Variants in LTBR observed in about 807,000 individuals in gnomAD.
LTBR encodes tumor necrosis factor receptor superfamily member 3.
A neutral mutation model predicts 45.4 loss-of-function variants in LTBR; 15 were observed. The observed-to-expected ratio is 0.33, with a 90% CI of 0.22 to 0.51. LTBR has a LOEUF of 0.51. LTBR is among the 20% of genes least tolerant of loss of function. LTBR has a pLI of 0.97. For synonymous variants in LTBR, 228 were observed against 231.0 expected (o/e 0.99, Z 0.12); for missense variants, 450 against 565.5 (o/e 0.80, Z 2.07).
At chr12:6,384,499 G>T in intron 1 of LTBR, 45 bp downstream of exon 1, 2 of 1,591,132 alleles carry the variant, frequency 1.3e-6, no homozygotes, top group Non-Finnish European at 1.7e-6. Flanking sequence ...GGGCAAGAGG[G>T]ATCTGGGCAG....
At position 6,375,545 on chromosome 12, in the gene LTBR, G is replaced by C. The variant is rs1363713421; in HGVS notation, c.-11G>C. ...GCCTGGCTGGGGAGCCCGCCCGCTG[G>C]CCGGCCAGGGATGGAAGCGACAGGA... On this transcript the variant is annotated 5_prime_UTR_variant, in exon 1 of 10. Transcript: ENST00000539925. 4 of 1,534,868 alleles carry C rather than the reference G, an allele frequency of 2.6e-6. No individual in the cohort carries two copies. The African/African-American group carries it at 5.5e-5, about 21-fold the overall frequency.
chr12:6,380,714 A>C (rs369077498), upstream of LTBR, among the ~76,000 whole-genome samples: 83 of 151,830 alleles, frequency 5.5e-4, 1 homozygote, highest in East Asian at 0.015. Flanking sequence ...AAGAAGAAGA[A>C]GAAGAAGAAG....
At chr12:6,385,972 T>C (rs1486702029) in intron 4 of LTBR, 94 bp from the exon 5 acceptor site, 7 of 796,516 alleles carry the variant, frequency 8.8e-6, no homozygotes, top group Non-Finnish European at 1.5e-5. Flanking sequence ...ATGGGGTGGA[T>C]GGGCATCCTG....
At chr12:6,382,532 G>A (rs1948994748), upstream of LTBR, among the ~76,000 whole-genome samples, 1 of 152,210 alleles carries the variant, frequency 6.6e-6, no homozygotes, top group African/African-American at 2.4e-5. Context: ...CAGCGCTAGG[G>A]CCCTGGAAGG....
At chr12:6,384,745 C>T (rs2302255) in intron 2 of LTBR, 61 bp downstream of exon 2, 78,995 of 1,492,122 alleles carry the variant, frequency 0.053, 8,579 homozygotes, top group East Asian at 0.47. Flanking sequence ...GCTCCAGCCC[C>T]CTCGCGGCCT....
chr12:6,377,689 A>G, intron 1 of LTBR: 7 of 1,296,622 alleles, frequency 5.4e-6, no homozygotes, highest in Non-Finnish European at 5.0e-6. Flanking sequence ...CCTCCCTGCA[A>G]TAAGGTGCTC....
chr12:6,379,933 C>CAAAA (rs60566609), upstream of LTBR, among the ~76,000 whole-genome samples: 1 of 115,994 alleles, frequency 8.6e-6, no homozygotes, highest in Non-Finnish European at 1.8e-5. Flanking sequence ...GACTCTGTCT[C>CAAAA]AAAAAAAAAA....
intron 6 of LTBR, chr12:6,387,870 C>A (rs1364884541): frequency 2.2e-6 from 1 of 455,374 alleles, no homozygotes; most frequent in African/African-American, 2.0e-5. Context: ...AGTTCCGAAG[C>A]AAGTTTCCCT....
chr12:6,377,469 G>A (rs72645159), intron 1 of LTBR: 557 of 654,432 alleles, frequency 8.5e-4, no homozygotes, highest in Non-Finnish European at 1.3e-3. Flanking sequence ...GACTCATGGG[G>A]GATCGGGGCT....
upstream of LTBR, among the ~76,000 whole-genome samples, chr12:6,383,879 G>GAACTCCCTCTGCTCTCCCTGC (rs1246046225): frequency 1.3e-5 from 2 of 152,166 alleles, no homozygotes; most frequent in East Asian, 3.9e-4. Flanking sequence ...GCGCTCTCTG[G>GAACTCCCTCTGCTCTCCCTGC]AACTCCCTCT....
At chr12:6,377,271 C>A in intron 1 of LTBR, 1 of 1,550,864 alleles carries the variant, frequency 6.4e-7, no homozygotes, top group Non-Finnish European at 8.7e-7. Context: ...GCTCATGATA[C>A]CTCCCCTTGG....
At chr12:6,384,020 G>A, upstream of LTBR, 1 of 1,165,880 alleles carries the variant, frequency 8.6e-7, no homozygotes, top group Non-Finnish European at 1.1e-6. Flanking sequence ...TTCCGGCCCC[G>A]CGGCCCTCAC....
chr12:6,385,206 G>A (rs771192004), intron 3 of LTBR, 21 bp from the exon 4 acceptor site: 1 of 1,613,928 alleles, frequency 6.2e-7, no homozygotes, highest in Non-Finnish European at 8.5e-7. Flanking sequence ...CCCTCCCTGA[G>A]CCCTCCCGTC....
Position 6,388,936 on chromosome 12 carries a change from C to A in LTBR, c.801+111C>A. 1 of 1,341,168 alleles carries A rather than the reference C, an allele frequency of 7.5e-7. No homozygotes were observed. The highest frequency in any genetic ancestry group is 1.2e-5 in the South Asian group (1 of 81,658). The allele number at this position is 1,341,168 out of a possible 1,614,324, so 83.1% of individuals were successfully genotyped here. A position where few individuals can be genotyped will look rare whatever the true frequency, so the allele number is the denominator to read the frequency against. On this transcript the variant is annotated intron_variant, in intron 8 of 9. Transcript: ENST00000228918. This position sits in a 1 kb window ranked among gnomAD's most constrained non-coding sequence, Gnocchi z 4.3. ...CTGACTCCACACTCATTCATTCATTCAACTGATGATTTACTGAACATGCCA... is the reference window on the plus strand; with the variant it reads ...CTGACTCCACACTCATTCATTCATTAAACTGATGATTTACTGAACATGCCA...
At chr12:6,379,858 G>A (rs544291713), upstream of LTBR, among the ~76,000 whole-genome samples, 26 of 151,248 alleles carry the variant, frequency 1.7e-4, no homozygotes, top group African/African-American at 5.1e-4. Context: ...GCATAAAACC[G>A]GGGAGGTGGA....
chr12:6,390,381 G>T, intron 9 of LTBR, 41 bp downstream of exon 9: 2 of 1,512,548 alleles, frequency 1.3e-6, no homozygotes, highest in Non-Finnish European at 1.8e-6. Context: ...GATGGGGAGG[G>T]AGGGATGGCT....
At chr12:6,382,542 G>A (rs1279850159), upstream of LTBR, among the ~76,000 whole-genome samples, 2 of 152,328 alleles carry the variant, frequency 1.3e-5, no homozygotes, top group Non-Finnish European at 2.9e-5. Context: ...GCCCTGGAAG[G>A]CTCAGCAGCC....
chr12:6,379,320 T>C (rs1438777318), upstream of LTBR, among the ~76,000 whole-genome samples: 1 of 152,190 alleles, frequency 6.6e-6, no homozygotes, highest in African/African-American at 2.4e-5. Context: ...CGAAAAAGCA[T>C]CTGCAAAACT....
intron 1 of LTBR, among the ~76,000 whole-genome samples, chr12:6,376,611 TC>T (rs558927174): frequency 1.6e-4 from 25 of 152,196 alleles, no homozygotes; most frequent in Non-Finnish European, 3.2e-4. Flanking sequence ...AAAATCTCTT[TC>T]CAAACTTAAT....
Sources: allele counts gnomAD v4.1 joint callset (sites outside exome capture counted in the v4.1 genomes callset), GRCh38; gene constraint gnomAD v4.1.1; non-coding constraint Gnocchi (gnomAD v3.1); transcripts MANE v1.5; gene names NCBI Gene and HGNC (gene_info 2026-07-23, HGNC 2026-07-21).